The following COL6A3 variants were observed in gnomAD, a reference collection of about 807,000 sequenced individuals.
The protein encoded by COL6A3 is collagen alpha-3(VI) chain.
A neutral mutation model predicts 274.1 loss-of-function variants in COL6A3; 137 were observed. The observed-to-expected ratio is 0.50, with a 90% CI of 0.44 to 0.58. COL6A3 has a LOEUF of 0.58. Ranked by LOEUF, COL6A3 falls within the 20% of genes least tolerant of loss-of-function variation. COL6A3 has a pLI of 0.00. For synonymous variants in COL6A3, 1,650 were observed against 1,650.6 expected (o/e 1.00, Z 0.01); for missense variants, 3,950 against 4,124.9 (o/e 0.96, Z 1.16).
At chr2:237,348,028 T>G in intron 30 of COL6A3, among the ~76,000 whole-genome samples, 159 bp from the exon 31 acceptor site, 1 of 152,206 alleles carries the variant, frequency 6.6e-6, no homozygotes, top group East Asian at 1.9e-4. Context: ...ACTACTATAT[T>G]TGTGGTATTT....
intron 24 of COL6A3, 28 bp downstream of exon 24, chr2:237,354,871 T>C (rs202179469): frequency 1.2e-5 from 19 of 1,607,032 alleles, no homozygotes; most frequent in Non-Finnish European, 1.6e-5. Context: ...TTGAAGAGAG[T>C]CTCCAGGGGG....
At chr2:237,359,337 G>A in intron 18 of COL6A3, 25 bp downstream of exon 18, 1 of 1,614,184 alleles carries the variant, frequency 6.2e-7, no homozygotes, top group South Asian at 1.1e-5. Context: ...TTTTCCATTT[G>A]TAAAACAAAA....
intron 1 of COL6A3, among the ~76,000 whole-genome samples, chr2:237,405,829 T>A (rs2078705484): frequency 6.6e-6 from 1 of 152,058 alleles, no homozygotes. Context: ...TCCTTGGTGG[T>A]GACACACCAC....
intron 38 of COL6A3, 141 bp from the exon 39 acceptor site, chr2:237,339,258 T>A: frequency 1.5e-6 from 1 of 679,766 alleles, no homozygotes; most frequent in South Asian, 1.7e-5. Flanking sequence ...TCAGACAAAC[T>A]ATGTCCAGTG....
intron 8 of COL6A3, among the ~76,000 whole-genome samples, chr2:237,373,538 C>T (rs186120892): frequency 6.6e-6 from 1 of 152,310 alleles, no homozygotes; most frequent in African/African-American, 2.4e-5. Context: ...TAATCATCCT[C>T]ACCTCCCTCA....
At chr2:237,379,336 A>T (rs2077942586) in intron 5 of COL6A3, 101 bp from the exon 6 acceptor site, 1 of 1,402,108 alleles carries the variant, frequency 7.1e-7, no homozygotes, top group South Asian at 1.2e-5. Flanking sequence ...TTTAGAACAC[A>T]GAGAAAGTCA....
chr2:237,371,938 T>C lies in COL6A3; in HGVS notation c.4079A>G (p.Lys1360Arg). The change falls in exon 9 of 44, where the codon AAG becomes AGG. Residue 1360 changes from lysine (K) to arginine (R), a missense_variant. Around this residue, in one of 5 missense-constraint regions of COL6A3, gnomAD observed 1,934 missense variants for 1,984.3 expected, o/e 0.97. Transcript: ENST00000295550. The surrounding 1 kb of genome is among the most constrained non-coding windows in gnomAD (Gnocchi z 4.3). ...DEVDDPAVEL[K>R]QFGVAPFTIA... ...CGTGAAAGGGGCCACGCCAAACTGCTTGAGCTCCACCGCCGGGTCGTCCAC... is the reference window on the plus strand; with the variant it reads ...CGTGAAAGGGGCCACGCCAAACTGCCTGAGCTCCACCGCCGGGTCGTCCAC... 2 of 1,614,038 alleles carry C rather than the reference T, an allele frequency of 1.2e-6. No homozygotes were observed. The highest frequency in any genetic ancestry group is 1.3e-5 in the African/African-American group (1 of 75,032).
chr2:237,372,435 G>T (rs536295935), intron 8 of COL6A3, 98 bp from the exon 9 acceptor site: 159 of 1,592,492 alleles, frequency 1.0e-4, no homozygotes, highest in Non-Finnish European at 4.7e-5. Context: ...ACAGGCAGGG[G>T]ATCCTAACAC....
At position 237,413,903 on chromosome 2, in the gene COL6A3, A is replaced by G. The variant is rs1392274801; in HGVS notation, c.-31+50T>C. On this transcript the variant is annotated intron_variant, in intron 1 of 43. Coordinates refer to ENST00000295550, the MANE Select transcript of COL6A3 (RefSeq NM_004369.4). This position sits in a 1 kb window ranked among gnomAD's most constrained non-coding sequence, Gnocchi z 4.0. ...GAAAGGATCACTTCAGGTTAAGAGC[A>G]TTTCCTTCTAGCCCCAAACCTGGAA... The G allele has an allele frequency of 1.3e-5, 2 of 152,214 alleles. No individual in the cohort carries two copies. The highest frequency in any genetic ancestry group is 4.8e-5 in the African/African-American group (2 of 41,454). The allele number at this position is 152,214 out of a possible 1,614,324, so 9.4% of individuals were successfully genotyped here.
chr2:237,344,704 G>C lies in COL6A3; in HGVS notation c.7314C>G (p.Asn2438Lys), dbSNP rs764695814. 3 of 1,608,536 alleles carry C rather than the reference G, an allele frequency of 1.9e-6. No individual in the cohort carries two copies. The highest frequency in any genetic ancestry group is 4.5e-5 in the East Asian group (2 of 44,804). The change falls in exon 36 of 44, where the codon AAC becomes AAG. Residue 2438 changes from asparagine to lysine, a missense_variant. Asn to Lys is a moderately conservative substitution (Grantham distance 94, BLOSUM62 0). Transcript: ENST00000295550. This position sits in a 1 kb window ranked among gnomAD's most constrained non-coding sequence, Gnocchi z 4.8. ...CAGCCACCCGGGCCCCCCGTGGGCA[G>C]TTGCTCTCAGCAATGGTCAGGTCAT... The part of the protein sequence containing the change: ...IVNDLTIAES[N>K]CPRGARVAVV...
intron 3 of COL6A3, among the ~76,000 whole-genome samples, chr2:237,388,949 T>C (rs2078221729): frequency 6.6e-6 from 1 of 152,236 alleles, no homozygotes; most frequent in African/African-American, 2.4e-5. Flanking sequence ...ATTGCCTCTA[T>C]ATTCAGTCAC....
Position 237,360,068 on chromosome 2 carries a change from C to A in COL6A3, c.6282+20G>T. On this transcript the variant is annotated intron_variant, in intron 17 of 43. Transcript: ENST00000295550. Reference sequence around the variant, plus strand: ...ACCTGACCCCTCCCCACGCTAGCAACCCCATCACCCACGCCTCACCTTTAC... The same window carrying A: ...ACCTGACCCCTCCCCACGCTAGCAAACCCATCACCCACGCCTCACCTTTAC... The A allele has an allele frequency of 6.2e-7, 1 of 1,613,760 alleles. No homozygotes were observed. The highest frequency in any genetic ancestry group is 1.1e-5 in the South Asian group (1 of 91,026).
At chr2:237,398,723 A>G (rs2078514508) in intron 1 of COL6A3, among the ~76,000 whole-genome samples, 2 of 152,152 alleles carry the variant, frequency 1.3e-5, no homozygotes, top group Admixed American at 6.5e-5. Flanking sequence ...TCATTTTGCA[A>G]TGATGTGCAT....
At position 237,379,089 on chromosome 2, in the gene COL6A3, G is replaced by A. The variant is rs1402048447; in HGVS notation, c.2044C>T (p.Gln682Ter). 2 of 1,614,080 alleles carry A rather than the reference G, an allele frequency of 1.2e-6. No homozygotes were observed. The highest frequency in any genetic ancestry group is 1.7e-6 in the Non-Finnish European group (2 of 1,180,046). Residue 682 changes from glutamine to a stop codon, truncating the protein, a stop_gained, in exon 6 of 44, where the codon CAA becomes TAA. Transcript: ENST00000295550. LOFTEE classifies it high-confidence loss of function. Reference sequence around the variant, plus strand: ...TCCGTTACAGGAGTGTCACTAAATTGCACTAAACCAACACGAATATTGTCA... The same window carrying A: ...TCCGTTACAGGAGTGTCACTAAATTACACTAAACCAACACGAATATTGTCA... ...GNDNIRVGLV[Q>*]FSDTPVTEFS...
intron 4 of COL6A3, among the ~76,000 whole-genome samples, chr2:237,384,873 C>G (rs1009682255): frequency 6.6e-6 from 1 of 152,192 alleles, no homozygotes; most frequent in Non-Finnish European, 1.5e-5. Flanking sequence ...TCTCCAGCTT[C>G]CATGCATCCA....
chr2:237,344,908 T>C lies in COL6A3; in HGVS notation c.7174+33A>G, dbSNP rs1399726860. 6.2e-7 allele frequency: 1 copy of C among 1,614,038 alleles called. No homozygotes were observed. The highest frequency in any genetic ancestry group is 1.7e-5 in the Admixed American group (1 of 60,024). On this transcript the variant is annotated intron_variant, in intron 35 of 43. Transcript: ENST00000295550. This position sits in a 1 kb window ranked among gnomAD's most constrained non-coding sequence, Gnocchi z 4.8. ...ACTTACTACAAAAGGGAGGCTTCCTTTCCTTAGGAGAAAGTCACCAAAATC... is the reference window on the plus strand; with the variant it reads ...ACTTACTACAAAAGGGAGGCTTCCTCTCCTTAGGAGAAAGTCACCAAAATC...
chr2:237,362,413 G>C (rs537619001), intron 14 of COL6A3, among the ~76,000 whole-genome samples: 10 of 152,302 alleles, frequency 6.6e-5, no homozygotes, highest in African/African-American at 2.4e-4. Flanking sequence ...ATCCCATCTG[G>C]CCCCTGACCT....
chr2:237,352,699 C>T lies in COL6A3; in HGVS notation c.6691-115G>A, dbSNP rs35309484. 0.075 allele frequency: 73,789 copies of T among 980,746 alleles called. 3,307 individuals are homozygous for T. The highest frequency in any genetic ancestry group is 0.09 in the Non-Finnish European group (56,452 of 626,794). The allele number at this position is 980,746 out of a possible 1,614,324, so 60.8% of individuals were successfully genotyped here. A position where few individuals can be genotyped will look rare whatever the true frequency, so the allele number is the denominator to read the frequency against. On this transcript the variant is annotated intron_variant, in intron 25 of 43. Coordinates refer to ENST00000295550, the MANE Select transcript of COL6A3 (RefSeq NM_004369.4). ...GAACCTCACTTCTGCTGGCCAAAAA[C>T]GGCCACCAAAACCCACAATTATCCT...
Position 237,361,647 on chromosome 2 carries a change from C to T in COL6A3, c.6156+92G>A. On this transcript the variant is annotated intron_variant, in intron 15 of 43. Transcript: ENST00000295550. This position sits in a 1 kb window ranked among gnomAD's most constrained non-coding sequence, Gnocchi z 5.1. ...GGTCTCTCGTCTCCTCCTTCATCTC[C>T]ACACTCTTCTGTTAGAGAAATTACC... 8.5e-7 allele frequency: 1 copy of T among 1,174,444 alleles called. No homozygotes were observed. The highest frequency in any genetic ancestry group is 1.3e-6 in the Non-Finnish European group (1 of 779,208). The allele number at this position is 1,174,444 out of a possible 1,614,324, so 72.8% of individuals were successfully genotyped here.
Sources: gnomAD v4.1 joint callset for allele counts (sites outside exome capture counted in the v4.1 genomes callset) on GRCh38, gnomAD v4.1.1 for gene constraint, gnomAD v4.1.1 regional missense constraint, Gnocchi (gnomAD v3.1) non-coding constraint, MANE v1.5 for transcripts, NCBI Gene and HGNC (gene_info 2026-07-23, HGNC 2026-07-21) for gene names.